Variants in MTMR7 observed in about 807,000 individuals in gnomAD.
MTMR7 encodes the protein myotubularin related protein 7.
Under a neutral mutation model 81.2 loss-of-function variants are expected in MTMR7, and 76 were observed. That is an observed-to-expected ratio of 0.94 (90% confidence interval 0.78 to 1.13). The LOEUF (loss-of-function observed/expected upper bound fraction) is 1.13, where lower values mean the gene tolerates loss of function less well. Ranked by LOEUF, MTMR7 falls within the 50% of genes most tolerant of loss-of-function variation. MTMR7 has a pLI of 0.00. For missense variants in MTMR7, 1,044 were observed against 820.0 expected (o/e 1.27, Z -3.34); for synonymous variants, 372 against 289.8 (o/e 1.28, Z -2.88).
intron 1 of MTMR7, among the ~76,000 whole-genome samples, chr8:17,380,267 TAAA>T (rs1398464128): frequency 1.3e-5 from 2 of 152,150 alleles, no homozygotes. Flanking sequence ...CAAATAACAA[TAAA>T]AACAATAACA....
chr8:17,405,878 A>C (rs142264753), intron 1 of MTMR7, among the ~76,000 whole-genome samples: 3 of 45,772 alleles, frequency 6.6e-5, no homozygotes, highest in African/African-American at 8.4e-5. Context: ...ACACACACAC[A>C]CCACAGAGAA....
In MTMR7 at chr8:17,379,640, T is replaced by G. The variant is rs142157297; in HGVS notation, c.25-6400A>C. On this transcript the variant is annotated intron_variant, in intron 1 of 13. Transcript: ENST00000180173. ...TGCCTTTTTAAAACTAGGAAACATGTACTTATTTACTTAATGTTTAAAGAT... is the reference window on the plus strand; with the variant it reads ...TGCCTTTTTAAAACTAGGAAACATGGACTTATTTACTTAATGTTTAAAGAT... Among the ~76,000 whole-genome samples the G allele has an allele frequency of 3.5e-3, 526 of 152,290 alleles. 2 individuals are homozygous for G. Among genetic ancestry groups the G allele is most frequent in the African/African-American group, 0.012 (509 of 41,562 alleles).
chr8:17,306,250 T>C (rs113615960), intron 10 of MTMR7, among the ~76,000 whole-genome samples: 2 of 152,320 alleles, frequency 1.3e-5, no homozygotes, highest in African/African-American at 4.8e-5. Context: ...CATTTTTAAA[T>C]TCATTCCTTA....
intron 7 of MTMR7, among the ~76,000 whole-genome samples, chr8:17,313,829 C>T (rs1817919225): frequency 6.6e-6 from 1 of 152,164 alleles, no homozygotes; most frequent in Non-Finnish European, 1.5e-5. Context: ...TGTCACCCAA[C>T]CACTTCAGAT....
intron 1 of MTMR7, among the ~76,000 whole-genome samples, chr8:17,394,100 A>T (rs6587044): frequency 0.75 from 114,704 of 152,086 alleles, 44,081 homozygotes; most frequent in Middle Eastern, 0.85. Flanking sequence ...CACTGTTAGG[A>T]ATATAAAATG....
At chr8:17,315,180 T>C (rs987823920) in intron 7 of MTMR7, among the ~76,000 whole-genome samples, 4 of 152,144 alleles carry the variant, frequency 2.6e-5, no homozygotes, top group Non-Finnish European at 4.4e-5. Flanking sequence ...AGATGAGCTA[T>C]GAAAAGACAC....
At chr8:17,394,507 C>T (rs1821193488) in intron 1 of MTMR7, among the ~76,000 whole-genome samples, 1 of 152,026 alleles carries the variant, frequency 6.6e-6, no homozygotes, top group Non-Finnish European at 1.5e-5. Flanking sequence ...AGGCAAATCT[C>T]TAGAGATTGT....
intron 1 of MTMR7, among the ~76,000 whole-genome samples, chr8:17,388,949 A>G (rs1563374452): frequency 1.3e-5 from 2 of 152,138 alleles, no homozygotes; most frequent in African/African-American, 4.8e-5. Flanking sequence ...GTCCGGCCCT[A>G]AAGTGTCCAT....
chr8:17,407,225 T>C (rs958637618), intron 1 of MTMR7, among the ~76,000 whole-genome samples: 4 of 151,824 alleles, frequency 2.6e-5, no homozygotes, highest in African/African-American at 9.7e-5. Flanking sequence ...AGTAACAAAA[T>C]GGTCAGTAAA....
intron 1 of MTMR7, among the ~76,000 whole-genome samples, chr8:17,386,065 G>A (rs139332866): frequency 3.9e-5 from 6 of 152,172 alleles, no homozygotes; most frequent in Non-Finnish European, 8.8e-5. Context: ...CTCTGTGCCA[G>A]GCACCCAGAC....
intron 7 of MTMR7, among the ~76,000 whole-genome samples, chr8:17,323,282 C>T (rs1399502673): frequency 6.6e-6 from 1 of 152,056 alleles, no homozygotes; most frequent in Non-Finnish European, 1.5e-5. Flanking sequence ...GAGTAATGGG[C>T]TCAGATGCTA....
intron 1 of MTMR7, among the ~76,000 whole-genome samples, chr8:17,389,017 G>T (rs1470040274): frequency 3.3e-5 from 5 of 152,148 alleles, no homozygotes; most frequent in Non-Finnish European, 5.9e-5. Context: ...CAATGATGTG[G>T]AGGCCTCTTC....
intron 1 of MTMR7, among the ~76,000 whole-genome samples, chr8:17,394,162 A>G (rs1821182893): frequency 6.6e-6 from 1 of 152,242 alleles, no homozygotes; most frequent in South Asian, 2.1e-4. Context: ...AGCATGCATT[A>G]ACATATGATG....
chr8:17,392,649 T>C (rs1285983169), intron 1 of MTMR7, among the ~76,000 whole-genome samples: 2 of 152,182 alleles, frequency 1.3e-5, no homozygotes, highest in East Asian at 1.9e-4. Context: ...CTAAAATCCA[T>C]GTGTTTGACG....
In MTMR7 at chr8:17,331,209, T is replaced by C. The variant is rs1818982059; in HGVS notation, c.806A>G (p.Gln269Arg). 1 of 1,612,668 alleles carries C rather than the reference T, an allele frequency of 6.2e-7. No individual in the cohort carries two copies. The highest frequency in any genetic ancestry group is 1.3e-5 in the African/African-American group (1 of 74,890). ...ATGGATGTTCTCTATCCCGATAAAC[T>C]GAAACTTGATATTGGAATAATTGTC... Reference protein sequence around the residue: ...NEDNYSNIKFQFIGIENIHVM... With the variant: ...NEDNYSNIKFRFIGIENIHVM... The change falls in exon 7 of 14, where the codon CAG (glutamine) becomes CGG (arginine). Residue 269 changes from glutamine (Q) to arginine (R), a missense_variant. By Grantham distance (43) the Gln-to-Arg change is conservative. Transcript: ENST00000180173.
intron 4 of MTMR7, among the ~76,000 whole-genome samples, chr8:17,355,823 A>C (rs1055713162): frequency 6.6e-6 from 1 of 152,252 alleles, no homozygotes; most frequent in Admixed American, 6.5e-5. Context: ...AACAGCCAAG[A>C]AACACAAGCT....
intron 5 of MTMR7, among the ~76,000 whole-genome samples, chr8:17,342,483 C>T (rs1326818293): frequency 2.0e-5 from 3 of 152,152 alleles, no homozygotes; most frequent in Non-Finnish European, 2.9e-5. Flanking sequence ...TGCAGGGTTC[C>T]ATCCATGAAG....
intron 4 of MTMR7, among the ~76,000 whole-genome samples, chr8:17,351,403 C>A (rs1033594225): frequency 2.0e-5 from 3 of 152,158 alleles, no homozygotes; most frequent in Non-Finnish European, 4.4e-5. Context: ...TGGAATGAGA[C>A]CAAACAGAGA....
At position 17,296,934 on chromosome 8, in the gene MTMR7, T is replaced by C. The variant is rs1816696135; in HGVS notation, c.*2928A>G. ...TATCTGCATTTAACAAATAGACAAA[T>C]CAGTTTACATAAAGGTTATGTATGT... On this transcript the variant is annotated 3_prime_UTR_variant, in exon 14 of 14. Coordinates refer to ENST00000180173, the MANE Select transcript of MTMR7 (RefSeq NM_004686.5). 6.6e-6 allele frequency: 1 copy of C among 152,100 alleles called. No individual in the cohort carries two copies. 9.4% of individuals were successfully genotyped at this position (152,100 alleles called of 1,614,324 possible).
Sources: allele counts gnomAD v4.1 joint callset (sites outside exome capture counted in the v4.1 genomes callset), GRCh38; gene constraint gnomAD v4.1.1; transcripts MANE v1.5; gene names NCBI Gene and HGNC (gene_info 2026-07-23, HGNC 2026-07-21).